The following FRMD4A variants were observed in gnomAD, a reference collection of about 807,000 sequenced individuals.
FRMD4A encodes the protein FERM domain containing 4A, also known as FERM domain-containing protein 4A.
Under a neutral mutation model 129.1 loss-of-function variants are expected in FRMD4A, and 29 were observed. The observed-to-expected ratio is 0.22, with a 90% CI of 0.17 to 0.31. FRMD4A has a LOEUF of 0.31. Ranked by LOEUF, FRMD4A falls within the 10% of genes least tolerant of loss-of-function variation. FRMD4A has a pLI of 1.00. For synonymous variants in FRMD4A, 634 were observed against 571.6 expected (o/e 1.11, Z -1.56); for missense variants, 1,272 against 1,375.8 (o/e 0.92, Z 1.19).
intron 2 of FRMD4A, among the ~76,000 whole-genome samples, chr10:13,989,111 G>A (rs1238642546): frequency 6.6e-6 from 1 of 152,060 alleles, no homozygotes; most frequent in Non-Finnish European, 1.5e-5. Flanking sequence ...TAGAAGCAGA[G>A]CTCTGGTTGA....
intron 12 of FRMD4A, among the ~76,000 whole-genome samples, chr10:13,708,600 G>A (rs1020782520): frequency 3.3e-5 from 5 of 152,206 alleles, no homozygotes; most frequent in African/African-American, 9.7e-5. Flanking sequence ...TCAACTCCAG[G>A]TGGGTGGAGA....
At position 14,330,152 on chromosome 10, in the gene FRMD4A, GC is replaced by G. The variant is rs34210959; in HGVS notation, c.-51del. ...CCTGCTGCCGAGTCAGTCCTCCTGGGCCCCGGGTGGCTACAGAGCATCCAAA... is the reference window on the plus strand; with the variant it reads ...CCTGCTGCCGAGTCAGTCCTCCTGGGCCCGGGTGGCTACAGAGCATCCAAA... On this transcript the variant is annotated 5_prime_UTR_variant, in exon 2 of 25. Transcript: ENST00000357447. The G allele has an allele frequency of 6.5e-7, 1 of 1,538,346 alleles. No individual in the cohort carries two copies. Among genetic ancestry groups the G allele is most frequent in the Non-Finnish European group, 8.8e-7 (1 of 1,136,228 alleles).
intron 2 of FRMD4A, among the ~76,000 whole-genome samples, chr10:14,316,812 C>G (rs964545283): frequency 1.3e-5 from 2 of 152,136 alleles, no homozygotes; most frequent in Non-Finnish European, 2.9e-5. Flanking sequence ...ATGGGTGGAA[C>G]CAGAGCCACA....
chr10:13,714,771 G>A (rs949818663), intron 12 of FRMD4A, among the ~76,000 whole-genome samples: 2 of 152,040 alleles, frequency 1.3e-5, no homozygotes, highest in Admixed American at 6.6e-5. Flanking sequence ...TGGGCATGGT[G>A]GCTCATGCCT....
In FRMD4A at chr10:14,015,733, C is replaced by A. The variant is rs1307631632; in HGVS notation, c.46-156821G>T. Among the ~76,000 whole-genome samples, 5 of 152,280 alleles carry A rather than the reference C, an allele frequency of 3.3e-5. No homozygotes were observed. The East Asian group carries it at 9.6e-4, about 29-fold the overall frequency. On this transcript the variant is annotated intron_variant, in intron 2 of 24. Coordinates refer to ENST00000357447, the MANE Select transcript of FRMD4A (RefSeq NM_018027.5). ...TGCTTATGTTACATCATTCATTCAA[C>A]CATTATTTTATTGAGTGTCTAATAA...
At chr10:14,011,355 G>A (rs865806199) in intron 2 of FRMD4A, among the ~76,000 whole-genome samples, 5 of 152,204 alleles carry the variant, frequency 3.3e-5, no homozygotes, top group African/African-American at 1.2e-4. Context: ...GGGGGAGGCA[G>A]GGAGGCTGGC....
At chr10:13,685,956 A>G (rs1185170996) in intron 15 of FRMD4A, among the ~76,000 whole-genome samples, 1 of 152,088 alleles carries the variant, frequency 6.6e-6, no homozygotes, top group African/African-American at 2.4e-5. Flanking sequence ...CCCCAAAATA[A>G]GAACAGAAAG....
chr10:14,226,253 G>T (rs959123257), intron 2 of FRMD4A, among the ~76,000 whole-genome samples: 11 of 152,132 alleles, frequency 7.2e-5, no homozygotes, highest in Admixed American at 7.2e-4. Flanking sequence ...CCCTGGGTGT[G>T]AGTTATGTGC....
chr10:14,198,352 A>G (rs750421498), intron 2 of FRMD4A, among the ~76,000 whole-genome samples: 14 of 152,208 alleles, frequency 9.2e-5, no homozygotes, highest in Non-Finnish European at 2.1e-4. Flanking sequence ...GGCAACTGCC[A>G]TGCAATTGCT....
chr10:14,057,199 T>C (rs1231133804), intron 2 of FRMD4A, among the ~76,000 whole-genome samples: 1 of 152,250 alleles, frequency 6.6e-6, no homozygotes, highest in East Asian at 1.9e-4. Flanking sequence ...TCCTAGGCTC[T>C]TAATTATTTG....
chr10:14,128,006 T>C (rs35367160), intron 2 of FRMD4A, among the ~76,000 whole-genome samples: 2,350 of 102,684 alleles, frequency 0.023, 155 homozygotes, highest in African/African-American at 0.053. Flanking sequence ...CTCTCTTTCT[T>C]TCTTTCTTCC....
chr10:14,212,965 A>G (rs1452900387), intron 2 of FRMD4A, among the ~76,000 whole-genome samples: 1 of 152,210 alleles, frequency 6.6e-6, no homozygotes, highest in Non-Finnish European at 1.5e-5. Context: ...GGTCAGATGC[A>G]GTGGCTCACG....
chr10:14,233,144 T>C (rs1317091727), intron 2 of FRMD4A, among the ~76,000 whole-genome samples: 1 of 152,242 alleles, frequency 6.6e-6, no homozygotes. Flanking sequence ...CATATGAAAG[T>C]ACCTGACACA....
intron 2 of FRMD4A, among the ~76,000 whole-genome samples, chr10:14,032,002 C>G (rs1833270528): frequency 6.6e-6 from 1 of 151,884 alleles, no homozygotes; most frequent in Non-Finnish European, 1.5e-5. Flanking sequence ...GAGATGGGGT[C>G]TTTCTATGTT....
chr10:13,811,136 G>GT (rs796100744), intron 3 of FRMD4A, among the ~76,000 whole-genome samples: 4,413 of 143,886 alleles, frequency 0.031, 162 homozygotes, highest in African/African-American at 0.088. Context: ...TCCTAGAAGG[G>GT]TTTTTTTTTT....
At chr10:14,154,885 C>G (rs1840520226) in intron 2 of FRMD4A, among the ~76,000 whole-genome samples, 1 of 152,206 alleles carries the variant, frequency 6.6e-6, no homozygotes, top group African/African-American at 2.4e-5. Context: ...AATCTCTAGT[C>G]TTTCTTTGTT....
At chr10:13,965,585 T>A (rs1322081572) in intron 2 of FRMD4A, among the ~76,000 whole-genome samples, 1 of 152,232 alleles carries the variant, frequency 6.6e-6, no homozygotes, top group African/African-American at 2.4e-5. Context: ...AAGGCACATA[T>A]CTGTAATCTT....
chr10:14,184,354 C>T (rs1051464867), intron 2 of FRMD4A, among the ~76,000 whole-genome samples: 20 of 142,042 alleles, frequency 1.4e-4, no homozygotes, highest in Middle Eastern at 3.9e-3. Flanking sequence ...AGGCTGGTCT[C>T]GAACTCCTGA....
chr10:13,659,896 G>A (rs1057494254), intron 20 of FRMD4A, among the ~76,000 whole-genome samples: 5 of 151,996 alleles, frequency 3.3e-5, no homozygotes, highest in African/African-American at 9.7e-5. Flanking sequence ...AAGTCAGCCC[G>A]GTAATGAGCT....
Sources: allele counts gnomAD v4.1 joint callset (sites outside exome capture counted in the v4.1 genomes callset), GRCh38; gene constraint gnomAD v4.1.1; transcripts MANE v1.5; gene names NCBI Gene and HGNC (gene_info 2026-07-23, HGNC 2026-07-21).